Variants in DNAH8 observed in about 807,000 individuals in gnomAD.
DNAH8 encodes the protein axonemal beta dynein heavy chain 8.
A neutral mutation model predicts 562.1 loss-of-function variants in DNAH8; 382 were observed. That is an observed-to-expected ratio of 0.68 (90% CI 0.63 to 0.74). DNAH8 has a LOEUF of 0.74. Ranked by LOEUF, DNAH8 falls within the 30% of genes least tolerant of loss-of-function variation. DNAH8 has a pLI of 0.00. For synonymous variants in DNAH8, 1,881 were observed against 1,919.4 expected, an observed-to-expected ratio of 0.98 and a Z score of 0.52; for missense variants, 5,203 against 5,620.4, an observed-to-expected ratio of 0.93 and a Z score of 2.37.
intron 32 of DNAH8, among the ~76,000 whole-genome samples, chr6:38,836,762 T>A (rs968211927): frequency 6.6e-6 from 1 of 152,126 alleles, no homozygotes; most frequent in Non-Finnish European, 1.5e-5. Flanking sequence ...CCTTGGGTCC[T>A]GATGGTGCTC....
chr6:38,813,968 T>C, intron 24 of DNAH8, 86 bp from the exon 25 acceptor site: 1 of 960,864 alleles, frequency 1.0e-6, no homozygotes, highest in South Asian at 1.4e-5. Flanking sequence ...ATGATCTTTA[T>C]TGTTCGGACT....
At chr6:38,721,299 T>C (rs1762727888) in intron 1 of DNAH8, among the ~76,000 whole-genome samples, 1 of 151,760 alleles carries the variant, frequency 6.6e-6, no homozygotes, top group Admixed American at 6.6e-5. Flanking sequence ...AGCAACATAA[T>C]GAGACCTTGT....
chr6:38,897,508 T>C (rs1779784370), intron 60 of DNAH8, among the ~76,000 whole-genome samples: 1 of 152,214 alleles, frequency 6.6e-6, no homozygotes, highest in Non-Finnish European at 1.5e-5. Flanking sequence ...TGATAAAACT[T>C]TACTTAAACA....
At position 38,938,184 on chromosome 6, in the gene DNAH8, C is replaced by T; in HGVS notation, c.11774C>T (p.Ser3925Leu). The change falls in exon 78 of 93, where the codon TCA (serine) becomes TTA (leucine). Residue 3925 changes from serine to leucine, a missense_variant. By Grantham distance (145) the Ser-to-Leu change is moderately radical. Transcript: ENST00000327475. ...ATGGTCAACATCATGTATCAGACGTCATTGGCCCAGTTCTTGAAGTTATTT... is the reference window on the plus strand; with the variant it reads ...ATGGTCAACATCATGTATCAGACGTTATTGGCCCAGTTCTTGAAGTTATTT... ...MSMVNIMYQT[S>L]LAQFLKLFDQ... 4 of 1,613,900 alleles carry T rather than the reference C, an allele frequency of 2.5e-6. No homozygotes were observed. Among genetic ancestry groups the T allele is most frequent in the Non-Finnish European group, 3.4e-6 (4 of 1,179,970 alleles).
chr6:39,003,034 G>A (rs1765586199), intron 88 of DNAH8, among the ~76,000 whole-genome samples: 1 of 152,168 alleles, frequency 6.6e-6, no homozygotes, highest in South Asian at 2.1e-4. Context: ...CCATTCTTCA[G>A]CTTTATTCCT....
intron 89 of DNAH8, among the ~76,000 whole-genome samples, chr6:39,010,994 C>T (rs955494470): frequency 6.6e-6 from 1 of 152,050 alleles, no homozygotes; most frequent in Non-Finnish European, 1.5e-5. Context: ...AAGGTTGCTA[C>T]GTCGGACTGC....
intron 1 of DNAH8, among the ~76,000 whole-genome samples, chr6:38,717,989 T>C (rs1762473264): frequency 1.3e-5 from 2 of 152,236 alleles, no homozygotes. Flanking sequence ...AGTGGTGTTA[T>C]TATGCAATGT....
rs1219964235 is a variant in DNAH8, at chr6:38,937,991, G to A, written c.11581G>A (p.Glu3861Lys). 2.5e-6 allele frequency: 4 copies of A among 1,613,620 alleles called. No homozygotes were observed. The highest frequency in any genetic ancestry group is 2.2e-5 in the East Asian group (1 of 44,846). The change falls in exon 78 of 93, where the codon GAA becomes AAA. Residue 3861 changes from glutamate to lysine, a missense_variant. By Grantham distance (56) the Glu-to-Lys change is moderately conservative. Transcript: ENST00000327475. ...AATTTCAGGCTCATTGGTAGATGAC[G>A]AATCTCTCATTGGTGTACTTCGAAC... ...SATKGSLVDD[E>K]SLIGVLRTTK...
At position 38,750,564 on chromosome 6, in the gene DNAH8, G is replaced by A; in HGVS notation, c.1382G>A (p.Cys461Tyr). ...TATTTGTATACTTTGGAAAAAGTGT[G>A]TCAACCTCTCTATAACCATGACCTA... ...VRYLYTLEKV[C>Y]QPLYNHDLVS... Residue 461 changes from cysteine (C) to tyrosine (Y), a missense_variant, in exon 9 of 93, where the codon TGT becomes TAT. Cys to Tyr is a radical substitution (Grantham distance 194). Coordinates refer to ENST00000327475, the MANE Select transcript of DNAH8 (RefSeq NM_001206927.2). The A allele has an allele frequency of 6.2e-7, 1 of 1,608,600 alleles. No individual in the cohort carries two copies. The highest frequency in any genetic ancestry group is 8.5e-7 in the Non-Finnish European group (1 of 1,175,816).
At chr6:38,938,264 A>G (rs903874984) in intron 78 of DNAH8, 38 bp downstream of exon 78, 2 of 1,571,700 alleles carry the variant, frequency 1.3e-6, no homozygotes, top group African/African-American at 2.7e-5. Context: ...GTGGTGACTT[A>G]AAAGTTTGCT....
At chr6:38,827,733 CTTTTTTTTTTTTTTTTTTTTTTTTTTTT>C (rs562852660) in intron 29 of DNAH8, among the ~76,000 whole-genome samples, 1 of 52,240 alleles carries the variant, frequency 1.9e-5, no homozygotes, top group Non-Finnish European at 3.7e-5. Context: ...CTTTACCAAA[CTTTTTTTTTTTTTTTTTTTTTTTTTTTT>C]TTTTTTTTTT....
At chr6:39,009,144 C>A (rs1238696330) in intron 89 of DNAH8, among the ~76,000 whole-genome samples, 174 bp downstream of exon 89, 7 of 152,124 alleles carry the variant, frequency 4.6e-5, no homozygotes, top group Non-Finnish European at 1.0e-4. Context: ...TCACATAGTT[C>A]TCTCTTCAAA....
At chr6:38,864,325 A>G (rs1179160154) in intron 45 of DNAH8, among the ~76,000 whole-genome samples, 2 of 152,202 alleles carry the variant, frequency 1.3e-5, no homozygotes, top group East Asian at 3.8e-4. Context: ...ACATAGTATA[A>G]TATGTGTAAG....
intron 33 of DNAH8, among the ~76,000 whole-genome samples, chr6:38,840,917 T>C (rs1265874868): frequency 2.0e-5 from 3 of 152,202 alleles, no homozygotes; most frequent in Non-Finnish European, 4.4e-5. Context: ...CATTTTTTTT[T>C]CACTGTTGCA....
chr6:38,854,360 GA>G (rs1473628427), intron 41 of DNAH8, among the ~76,000 whole-genome samples: 3 of 152,064 alleles, frequency 2.0e-5, no homozygotes, highest in African/African-American at 7.2e-5. Flanking sequence ...GATATCCAAG[GA>G]AAACGTAGGC....
In DNAH8 at chr6:38,789,840, T is replaced by C; in HGVS notation, c.2621T>C (p.Val874Ala). Residue 874 changes from valine to alanine, a missense_variant, in exon 19 of 93, where the codon GTG becomes GCG. By Grantham distance (64) the Val-to-Ala change is moderately conservative. Transcript: ENST00000327475. ...LQYYDELCQE[V>A]PSVFVNLMTP... ...TATTATGATGAGTTATGTCAGGAAG[T>C]GCCTTCTGTGTTTGTCAATCTGATG... is the stretch of plus-strand genomic sequence containing the variant. 2 of 1,613,380 alleles carry C rather than the reference T, an allele frequency of 1.2e-6. No homozygotes were observed. Among genetic ancestry groups the C allele is most frequent in the Non-Finnish European group, 1.7e-6 (2 of 1,179,650 alleles).
At chr6:38,909,469 C>G (rs1780716720) in intron 64 of DNAH8, 49 bp from the exon 65 acceptor site, 1 of 1,567,758 alleles carries the variant, frequency 6.4e-7, no homozygotes, top group African/African-American at 1.4e-5. Context: ...CTCTGGCTGA[C>G]TTATAACCCC....
intron 5 of DNAH8, 90 bp from the exon 6 acceptor site, chr6:38,736,977 T>A: frequency 1.1e-6 from 1 of 885,102 alleles, no homozygotes; most frequent in Non-Finnish European, 1.6e-6. Context: ...ATTAGTTGTC[T>A]ATGTTTATTG....
At chr6:38,864,116 TAAAAC>T (rs1428739388) in intron 45 of DNAH8, 56 bp downstream of exon 45, 16 of 1,523,132 alleles carry the variant, frequency 1.1e-5, no homozygotes, top group Middle Eastern at 4.7e-4. Flanking sequence ...CAGACATAAA[TAAAAC>T]AAAGCATGTG....
Sources: gnomAD v4.1 joint callset for allele counts (sites outside exome capture counted in the v4.1 genomes callset) on GRCh38, gnomAD v4.1.1 for gene constraint, MANE v1.5 for transcripts, NCBI Gene and HGNC (gene_info 2026-07-23, HGNC 2026-07-21) for gene names.